Variants in EFCAB12 observed in about 807,000 individuals in gnomAD.
EFCAB12 encodes the protein EF-hand calcium binding domain 12, also known as EF-hand calcium-binding domain-containing protein 12.
Under a neutral mutation model 53.6 loss-of-function variants are expected in EFCAB12, and 43 were observed. The ratio of observed to expected loss-of-function variants is 0.80; its 90% confidence interval spans 0.63 to 1.03. EFCAB12 has a LOEUF of 1.03. Among genes scored for constraint, EFCAB12 ranks in the 50% least tolerant of loss-of-function variants. EFCAB12 has a pLI of 0.00. For missense variants in EFCAB12, 646 were observed against 730.6 expected, an observed-to-expected ratio of 0.88 and a Z score of 1.34; for synonymous variants, 269 against 289.2, an observed-to-expected ratio of 0.93 and a Z score of 0.71.
At chr3:129,423,682 GT>G (rs1231833367) in intron 1 of EFCAB12, among the ~76,000 whole-genome samples, 5 of 152,132 alleles carry the variant, frequency 3.3e-5, no homozygotes, top group Non-Finnish European at 5.9e-5. Flanking sequence ...TACTGTCACT[GT>G]CATTTTCCTC....
intron 7 of EFCAB12, 124 bp downstream of exon 7, chr3:129,404,126 G>C: frequency 7.6e-7 from 1 of 1,312,126 alleles, no homozygotes; most frequent in Non-Finnish European, 1.0e-6. Flanking sequence ...GGGGGATGTT[G>C]CCCTAGGATG....
intron 7 of EFCAB12, 180 bp downstream of exon 7, chr3:129,404,070 C>T: frequency 1.4e-6 from 1 of 721,464 alleles, no homozygotes; most frequent in Non-Finnish European, 2.2e-6. Flanking sequence ...GAGACATGCG[C>T]CAAGGGTGAC....
rs577499686 is a variant in EFCAB12 at position 129,418,400 on chromosome 3, G to T, written c.535C>A (p.Leu179Ile). The stretch of plus-strand genomic sequence containing the variant: ...AGGGCAGGGGGCTCGGGCAGCTGGA[G>T]CTGGGGCACCATCTGGCGGGACAGC... Reference protein sequence around the residue: ...SRLSRQMVPQLQLPEPPALSV... With the variant: ...SRLSRQMVPQIQLPEPPALSV... The change falls in exon 3 of 9, where the codon CTC becomes ATC. Residue 179 changes from leucine to isoleucine, a missense_variant. Coordinates refer to ENST00000505956, the MANE Select transcript of EFCAB12 (RefSeq NM_207307.3). 18 of 1,613,428 alleles carry T rather than the reference G, an allele frequency of 1.1e-5. No homozygotes were observed. The South Asian group carries it at 1.8e-4, about 16-fold the overall frequency.
Position 129,408,633 on chromosome 3 carries a change from C to T in EFCAB12, c.1249+12G>A, listed in dbSNP as rs1158937254. 27 of 1,557,346 alleles carry T rather than the reference C, an allele frequency of 1.7e-5. No homozygotes were observed. The highest frequency in any genetic ancestry group is 4.1e-5 in the African/African-American group (3 of 73,432). ...TTGGCATCTTCCTAGGGCCAGCTAC[C>T]GAGGCCCTTACCTTTCATGAGGATG... On this transcript the variant is annotated intron_variant, in intron 6 of 8. Transcript: ENST00000505956.
chr3:129,422,667 TACA>T (rs139659152), intron 1 of EFCAB12, among the ~76,000 whole-genome samples: 1,972 of 152,254 alleles, frequency 0.013, 16 homozygotes, highest in Non-Finnish European at 0.021. Flanking sequence ...CACGACTGGG[TACA>T]ACAAGGGCTG....
intron 3 of EFCAB12, 39 bp from the exon 4 acceptor site, chr3:129,415,440 T>C (rs2072103630): frequency 1.9e-6 from 3 of 1,610,042 alleles, no homozygotes; most frequent in Admixed American, 3.4e-5. Context: ...CAGGCTCCCA[T>C]CCAAACATCC....
At chr3:129,415,209 G>T (rs1471027216) in intron 4 of EFCAB12, 36 bp downstream of exon 4, 1 of 1,552,746 alleles carries the variant, frequency 6.4e-7, no homozygotes, top group East Asian at 2.4e-5. Flanking sequence ...TCCCAGGACG[G>T]GGAGGTGGAG....
Position 129,421,670 on chromosome 3 carries a change from C to G in EFCAB12, c.183G>C (p.Met61Ile). 6.2e-7 allele frequency: 1 copy of G among 1,613,928 alleles called. No homozygotes were observed. The highest frequency in any genetic ancestry group is 1.1e-5 in the South Asian group (1 of 91,076). ...GTGTCTGATCCTCCTTGCGAGGCAC[C>G]ATGATGATTCGCCGGCGGGTCTGAG... ...RLPQTRRRII[M>I]VPRKEDQTPL... is the part of the protein sequence containing the mutation. Residue 61 changes from methionine (M) to isoleucine (I), a missense_variant, in exon 2 of 9, where the codon ATG becomes ATC. Coordinates refer to ENST00000505956, the MANE Select transcript of EFCAB12 (RefSeq NM_207307.3).
chr3:129,424,328 G>T (rs143977151), intron 1 of EFCAB12, among the ~76,000 whole-genome samples: 1 of 152,224 alleles, frequency 6.6e-6, no homozygotes, highest in Non-Finnish European at 1.5e-5. Context: ...ATTGTTGGAG[G>T]AGGGGTCTAG....
intron 1 of EFCAB12, among the ~76,000 whole-genome samples, chr3:129,424,058 C>G (rs1180246717): frequency 6.6e-6 from 1 of 152,144 alleles, no homozygotes; most frequent in Non-Finnish European, 1.5e-5. Flanking sequence ...TAAGCATTTA[C>G]CATATTTTTC....
At chr3:129,419,561 A>G (rs1334823644) in intron 2 of EFCAB12, among the ~76,000 whole-genome samples, 1 of 152,164 alleles carries the variant, frequency 6.6e-6, no homozygotes, top group Admixed American at 6.5e-5. Flanking sequence ...CATGAATGGG[A>G]TCAGCTAGAA....
chr3:129,415,504 G>A (rs897938589), intron 3 of EFCAB12, 103 bp from the exon 4 acceptor site: 1 of 1,443,724 alleles, frequency 6.9e-7, no homozygotes, highest in Non-Finnish European at 9.4e-7. Context: ...CCTGCTTCCA[G>A]TTTCATCCTC....
rs72984739 is a variant in EFCAB12 at position 129,401,334 on chromosome 3, A to G, written c.*259T>C. 0.042 allele frequency: 16,590 copies of G among 397,380 alleles called. 1,321 individuals carry two copies. Among genetic ancestry groups the G allele is most frequent in the African/African-American group, 0.18 (8,992 of 49,174 alleles). 24.6% of individuals were successfully genotyped at this position (397,380 alleles called of 1,614,324 possible). A position where few individuals can be genotyped will look rare whatever the true frequency, so the allele number is the denominator to read the frequency against. On this transcript the variant is annotated 3_prime_UTR_variant, in exon 9 of 9. Coordinates refer to ENST00000505956, the MANE Select transcript of EFCAB12 (RefSeq NM_207307.3). ...CTGGGTCACAGGTGAAATGAGAAAAACTCCAACCTGCTTTATGTAGAAAGG... is the reference window on the plus strand; with the variant it reads ...CTGGGTCACAGGTGAAATGAGAAAAGCTCCAACCTGCTTTATGTAGAAAGG...
In EFCAB12 at chr3:129,428,613, C is replaced by T; in HGVS notation, c.-125G>A. The T allele has an allele frequency of 8.2e-7, 1 of 1,222,688 alleles. No homozygotes were observed. The highest frequency in any genetic ancestry group is 1.1e-6 in the Non-Finnish European group (1 of 878,884). 75.7% of individuals were successfully genotyped at this position (1,222,688 alleles called of 1,614,324 possible). ...TCCAAGTCGTGCGAAAGGCGCTCAG[C>T]TCAGACTGCAGAAGCAACCTGTTGC... On this transcript the variant is annotated 5_prime_UTR_variant, in exon 1 of 9. Transcript: ENST00000505956.
intron 5 of EFCAB12, among the ~76,000 whole-genome samples, chr3:129,409,798 C>T (rs2072007061): frequency 6.6e-6 from 1 of 152,160 alleles, no homozygotes; most frequent in African/African-American, 2.4e-5. Context: ...CATGGCTCAC[C>T]AGGCCTAAAA....
At chr3:129,422,417 C>T (rs766245663) in intron 1 of EFCAB12, among the ~76,000 whole-genome samples, 4 of 152,126 alleles carry the variant, frequency 2.6e-5, no homozygotes, top group Non-Finnish European at 2.9e-5. Context: ...AATGAAGTCC[C>T]GGGCCCCTCT....
chr3:129,402,664 G>T lies in EFCAB12; in HGVS notation c.1404-85C>A, dbSNP rs193209224. 28 of 1,314,678 alleles carry T rather than the reference G, an allele frequency of 2.1e-5. No homozygotes were observed. In the South Asian group the frequency reaches 4.0e-4, roughly 19 times the overall value. The allele number at this position is 1,314,678 out of a possible 1,614,324, so 81.4% of individuals were successfully genotyped here. ...TAGGGAGTAGGTCAGGGCCGCAGGG[G>T]TGGACCCGTTTCTAAGTCTCAAACG... On this transcript the variant is annotated intron_variant, in intron 7 of 8. Coordinates refer to ENST00000505956, the MANE Select transcript of EFCAB12 (RefSeq NM_207307.3).
In EFCAB12 at chr3:129,401,422, C is replaced by G. The variant is rs187281557; in HGVS notation, c.*171G>C. ...GTCATTCCTTGGACACATCTACCCT[C>G]TGAGACACTGGACACTTTGAGTCCA... On this transcript the variant is annotated 3_prime_UTR_variant, in exon 9 of 9. Coordinates refer to ENST00000505956, the MANE Select transcript of EFCAB12 (RefSeq NM_207307.3). 3 of 909,586 alleles carry G rather than the reference C, an allele frequency of 3.3e-6. No individual in the cohort carries two copies. 56.3% of individuals were successfully genotyped at this position (909,586 alleles called of 1,614,324 possible).
intron 3 of EFCAB12, among the ~76,000 whole-genome samples, chr3:129,417,424 C>T (rs2072132827): frequency 6.6e-6 from 1 of 150,854 alleles, no homozygotes; most frequent in Non-Finnish European, 1.5e-5. Flanking sequence ...TTTGGCTAGC[C>T]ATATGGTCTG....
Sources: gnomAD v4.1 joint callset for allele counts (sites outside exome capture counted in the v4.1 genomes callset) on GRCh38, gnomAD v4.1.1 for gene constraint, MANE v1.5 for transcripts, NCBI Gene and HGNC (gene_info 2026-07-23, HGNC 2026-07-21) for gene names.